THSD4: variants seen among roughly 807,000 people sequenced by gnomAD.
THSD4 encodes thrombospondin type 1 domain containing 4, also known as thrombospondin type-1 domain-containing protein 4.
Under a neutral mutation model 119.0 loss-of-function variants are expected in THSD4, and 69 were observed. The observed-to-expected ratio is 0.58, with a 90% CI of 0.48 to 0.71. THSD4 has a LOEUF of 0.71. Ranked by LOEUF, THSD4 falls within the 30% of genes least tolerant of loss-of-function variation. The pLI, the probability that THSD4 is intolerant of heterozygous loss-of-function variation, is 0.00. For missense variants in THSD4, 1,393 were observed against 1,391.1 expected (o/e 1.00, Z -0.02); for synonymous variants, 524 against 540.4 (o/e 0.97, Z 0.42).
At chr15:71,771,751 C>T (rs1343141471) in intron 17 of THSD4, among the ~76,000 whole-genome samples, 1 of 152,172 alleles carries the variant, frequency 6.6e-6, no homozygotes, top group African/African-American at 2.4e-5. Flanking sequence ...GGTCAGAGTC[C>T]TGCAAAGAAC....
intron 7 of THSD4, among the ~76,000 whole-genome samples, chr15:71,541,092 A>G (rs1416910950): frequency 6.6e-6 from 1 of 152,256 alleles, no homozygotes; most frequent in Non-Finnish European, 1.5e-5. Context: ...GAAAGGGTAT[A>G]TAGAAATGCT....
intron 7 of THSD4, among the ~76,000 whole-genome samples, chr15:71,573,713 C>T (rs1350398650): frequency 1.3e-5 from 2 of 152,172 alleles, no homozygotes; most frequent in Non-Finnish European, 2.9e-5. Flanking sequence ...CTCTCCATTG[C>T]TGTAGAGGTA....
intron 4 of THSD4, among the ~76,000 whole-genome samples, chr15:71,240,309 A>C (rs1032979210): frequency 3.9e-5 from 6 of 152,154 alleles, no homozygotes; most frequent in Admixed American, 3.3e-4. Context: ...ATCTGCCTCA[A>C]ACTCAGAGGT....
intron 7 of THSD4, among the ~76,000 whole-genome samples, chr15:71,495,829 A>T (rs985310032): frequency 6.6e-6 from 1 of 152,104 alleles, no homozygotes; most frequent in Non-Finnish European, 1.5e-5. Context: ...GTTTTTAGTA[A>T]CTCCATGAGG....
At chr15:71,120,284 GA>G (rs1165519319) in intron 1 of THSD4, among the ~76,000 whole-genome samples, 1 of 152,100 alleles carries the variant, frequency 6.6e-6, no homozygotes, top group East Asian at 1.9e-4. Context: ...CATGGAACAA[GA>G]GGCAGCAGTT....
chr15:71,543,697 G>A lies in THSD4; in HGVS notation c.1153-116833G>A, dbSNP rs373113995. Among the ~76,000 whole-genome samples, 10 of 152,314 alleles carry A rather than the reference G, an allele frequency of 6.6e-5. No individual in the cohort carries two copies. In the South Asian group the frequency reaches 2.1e-3, roughly 32 times the overall value. ...GGCAACTGGGTATATCGACCTACAG[G>A]TCAGGAGGGAGACCTGGCTACAGAT... On this transcript the variant is annotated intron_variant, in intron 7 of 17. Transcript: ENST00000261862.
rs1193628849 is a variant in THSD4 at position 71,501,179 on chromosome 15, G to GA, written c.1152+89364dup. Among the ~76,000 whole-genome samples, 11 of 151,984 alleles carry GA rather than the reference G, an allele frequency of 7.2e-5. No individual in the cohort carries two copies. The East Asian group carries it at 1.5e-3, about 21-fold the overall frequency. On this transcript the variant is annotated intron_variant, in intron 7 of 17. Coordinates refer to ENST00000261862, the MANE Select transcript of THSD4 (RefSeq NM_024817.3). ...TAAGATTGTTGTTGGTGATGAGTGT[G>GA]AAAAAAAATCCACCAAAGCTGTGTG...
intron 6 of THSD4, among the ~76,000 whole-genome samples, chr15:71,369,738 A>T (rs1018711880): frequency 6.6e-6 from 1 of 152,056 alleles, no homozygotes; most frequent in African/African-American, 2.4e-5. Flanking sequence ...TTGGTCTAAA[A>T]TTCTCTTTTT....
At chr15:71,320,503 A>C (rs1012038818) in intron 6 of THSD4, among the ~76,000 whole-genome samples, 1 of 152,206 alleles carries the variant, frequency 6.6e-6, no homozygotes, top group African/African-American at 2.4e-5. Context: ...GATGTTACTA[A>C]GATTTAAAAT....
At chr15:71,430,338 G>T (rs2046925892) in intron 7 of THSD4, among the ~76,000 whole-genome samples, 1 of 152,190 alleles carries the variant, frequency 6.6e-6, no homozygotes, top group East Asian at 1.9e-4. Flanking sequence ...TGTAAAATAA[G>T]TTAGTTTTAT....
At chr15:71,592,695 A>C (rs1458206543) in intron 7 of THSD4, among the ~76,000 whole-genome samples, 1 of 152,068 alleles carries the variant, frequency 6.6e-6, no homozygotes, top group Non-Finnish European at 1.5e-5. Flanking sequence ...ACACGTTCAT[A>C]GTTCAGCTTT....
chr15:71,257,250 G>A (rs1169625094), intron 6 of THSD4, among the ~76,000 whole-genome samples: 1 of 152,172 alleles, frequency 6.6e-6, no homozygotes, highest in African/African-American at 2.4e-5. Context: ...AGTTGGTAGA[G>A]CAAGTTGATC....
intron 7 of THSD4, among the ~76,000 whole-genome samples, chr15:71,577,728 A>ATTTTATTTTATTTTT (rs2049479096): frequency 6.8e-6 from 1 of 146,570 alleles, no homozygotes; most frequent in Non-Finnish European, 1.5e-5. Context: ...ATTTTATTTT[A>ATTTTATTTTATTTTT]TTTTATTTTT....
chr15:71,423,545 G>C (rs1192267751), intron 7 of THSD4, among the ~76,000 whole-genome samples: 2 of 152,090 alleles, frequency 1.3e-5, no homozygotes, highest in Non-Finnish European at 2.9e-5. Flanking sequence ...CCTATCCTGT[G>C]GTGGATGAGA....
intron 6 of THSD4, among the ~76,000 whole-genome samples, chr15:71,356,775 G>T (rs567734525): frequency 2.6e-5 from 4 of 152,196 alleles, no homozygotes; most frequent in Admixed American, 2.6e-4. Context: ...TCAGATGGGG[G>T]TCTTTCATAG....
intron 7 of THSD4, among the ~76,000 whole-genome samples, chr15:71,438,491 A>G (rs954989298): frequency 6.6e-6 from 1 of 152,022 alleles, no homozygotes; most frequent in African/African-American, 2.4e-5. Context: ...GTGTTTTTAC[A>G]TTTTTACCTT....
At chr15:71,650,268 A>T (rs946582780) in intron 7 of THSD4, among the ~76,000 whole-genome samples, 2 of 152,160 alleles carry the variant, frequency 1.3e-5, no homozygotes, top group African/African-American at 2.4e-5. Context: ...TGCCTGAGGT[A>T]TTTACTCTCT....
intron 7 of THSD4, among the ~76,000 whole-genome samples, chr15:71,569,299 AAG>A (rs1351872474): frequency 6.6e-6 from 1 of 152,182 alleles, no homozygotes; most frequent in African/African-American, 2.4e-5. Flanking sequence ...GTTAAAGGGA[AAG>A]AGGGAGGAAA....
chr15:71,330,387 G>A, intron 6 of THSD4, among the ~76,000 whole-genome samples: 1 of 152,166 alleles, frequency 6.6e-6, no homozygotes, highest in Non-Finnish European at 1.5e-5. Flanking sequence ...GCAGCACACG[G>A]TAGGTATTCA....
Sources: allele counts gnomAD v4.1 joint callset (sites outside exome capture counted in the v4.1 genomes callset), GRCh38; gene constraint gnomAD v4.1.1; transcripts MANE v1.5; gene names NCBI Gene and HGNC (gene_info 2026-07-23, HGNC 2026-07-21).